The following KPNA3 variants were observed in gnomAD, a reference collection of about 807,000 sequenced individuals.
KPNA3 encodes karyopherin subunit alpha 3.
Under a neutral mutation model 73.8 loss-of-function variants are expected in KPNA3, and 13 were observed. The observed-to-expected ratio is 0.18, with a 90% CI of 0.11 to 0.28. The LOEUF is 0.28. Among genes scored for constraint, KPNA3 ranks in the 10% least tolerant of loss-of-function variants. The pLI is 1.00. For synonymous variants in KPNA3, 186 were observed against 206.9 expected (o/e 0.90, Z 0.87); for missense variants, 360 against 618.1 (o/e 0.58, Z 4.43).
At chr13:49,782,403 A>T (rs1420411007) in intron 1 of KPNA3, among the ~76,000 whole-genome samples, 2 of 152,084 alleles carry the variant, frequency 1.3e-5, no homozygotes, top group Admixed American at 1.3e-4. Context: ...GTACAATCAC[A>T]CTTTTTCTAT....
At chr13:49,702,729 A>G (rs1184224110) in intron 15 of KPNA3, among the ~76,000 whole-genome samples, 1 of 152,236 alleles carries the variant, frequency 6.6e-6, no homozygotes, top group Non-Finnish European at 1.5e-5. Context: ...GACAGTCTAA[A>G]AAAACACCCA....
At chr13:49,766,235 A>G (rs1204448950) in intron 1 of KPNA3, among the ~76,000 whole-genome samples, 1 of 152,144 alleles carries the variant, frequency 6.6e-6, no homozygotes, top group Non-Finnish European at 1.5e-5. Flanking sequence ...AAATGCCATT[A>G]CTTTTCCTGT....
chr13:49,726,144 C>G (rs918842342), intron 6 of KPNA3, among the ~76,000 whole-genome samples: 2 of 152,178 alleles, frequency 1.3e-5, no homozygotes, highest in Non-Finnish European at 2.9e-5. Flanking sequence ...CCCCTAATAT[C>G]AAGTGCTAGT....
chr13:49,791,277 A>G (rs994732616), intron 1 of KPNA3, among the ~76,000 whole-genome samples: 3 of 152,210 alleles, frequency 2.0e-5, no homozygotes, highest in African/African-American at 7.2e-5. Context: ...CAAAAATTAC[A>G]AAACTGCAAA....
At chr13:49,717,431 G>GAAAAA (rs367721289) in intron 10 of KPNA3, among the ~76,000 whole-genome samples, 1 of 62,830 alleles carries the variant, frequency 1.6e-5, no homozygotes, top group African/African-American at 1.0e-4. Flanking sequence ...CTCCATCTCG[G>GAAAAA]AAAAAAAAGA....
intron 1 of KPNA3, among the ~76,000 whole-genome samples, chr13:49,764,802 T>A (rs965839724): frequency 6.6e-6 from 1 of 152,166 alleles, no homozygotes; most frequent in African/African-American, 2.4e-5. Context: ...TTTTAACTAG[T>A]TCCTGTTCTC....
intron 6 of KPNA3, among the ~76,000 whole-genome samples, chr13:49,729,217 G>C (rs960746307): frequency 3.3e-5 from 5 of 151,984 alleles, no homozygotes; most frequent in Admixed American, 6.6e-5. Context: ...CTAGCAGAAG[G>C]CAGGAAATAA....
intron 10 of KPNA3, among the ~76,000 whole-genome samples, chr13:49,712,143 AG>A (rs1297275367): frequency 2.6e-5 from 4 of 152,170 alleles, no homozygotes; most frequent in African/African-American, 9.7e-5. Flanking sequence ...CCACCCTGGC[AG>A]TAACAGTAAC....
At chr13:49,745,343 G>C (rs1193700128) in intron 2 of KPNA3, among the ~76,000 whole-genome samples, 1 of 150,922 alleles carries the variant, frequency 6.6e-6, no homozygotes, top group Admixed American at 6.6e-5. Flanking sequence ...CCCTACAACT[G>C]AAAAGTTTCA....
At chr13:49,753,483 C>T (rs1243546544) in intron 1 of KPNA3, among the ~76,000 whole-genome samples, 1 of 152,208 alleles carries the variant, frequency 6.6e-6, no homozygotes, top group Non-Finnish European at 1.5e-5. Flanking sequence ...AGAGAATGGT[C>T]ACCACACAAC....
chr13:49,732,446 C>G lies in KPNA3; in HGVS notation c.308G>C (p.Arg103Thr). The change falls in exon 6 of 17, where the codon AGA becomes ACA. Residue 103 changes from arginine (R) to threonine (T), a missense_variant. Physicochemically the swap from Arg to Thr is moderately conservative, Grantham distance 71. This residue lies in a region of KPNA3 where 287 missense variants were observed against 549.1 expected (regional missense o/e 0.52). Coordinates refer to ENST00000261667, the MANE Select transcript of KPNA3 (RefSeq NM_002267.4). Reference sequence around the variant, plus strand: ...TATTAAGTCATCAATCGGTGGATTTCTGTCACTGGATAACAGTTTTCTAGG... The same window carrying G: ...TATTAAGTCATCAATCGGTGGATTTGTGTCACTGGATAACAGTTTTCTAGG... ...QAARKLLSSDRNPPIDDLIKS... is the reference protein window; with the variant it reads ...QAARKLLSSDTNPPIDDLIKS... 1.9e-6 allele frequency: 3 copies of G among 1,594,550 alleles called. No individual in the cohort carries two copies. The highest frequency in any genetic ancestry group is 2.6e-6 in the Non-Finnish European group (3 of 1,167,502).
At chr13:49,716,360 C>T (rs1031623207) in intron 10 of KPNA3, among the ~76,000 whole-genome samples, 1 of 152,158 alleles carries the variant, frequency 6.6e-6, no homozygotes, top group African/African-American at 2.4e-5. Flanking sequence ...ACTATATGAT[C>T]TAGAACCTAT....
At chr13:49,734,936 T>G (rs2025265) in intron 2 of KPNA3, among the ~76,000 whole-genome samples, 76,178 of 144,676 alleles carry the variant, frequency 0.53, 21,307 homozygotes, top group Admixed American at 0.64. Flanking sequence ...TATATATATA[T>G]ATAGAGAGAG....
At chr13:49,751,716 C>T (rs1381411805) in intron 1 of KPNA3, among the ~76,000 whole-genome samples, 2 of 152,158 alleles carry the variant, frequency 1.3e-5, no homozygotes, top group Non-Finnish European at 2.9e-5. Flanking sequence ...TGAGACCAGC[C>T]TGTGCAACAC....
At chr13:49,769,329 G>A (rs1954834912) in intron 1 of KPNA3, among the ~76,000 whole-genome samples, 1 of 152,106 alleles carries the variant, frequency 6.6e-6, no homozygotes, top group South Asian at 2.1e-4. Flanking sequence ...ATCCTAAAAG[G>A]ATAAGTTCCG....
At chr13:49,729,158 A>C (rs1386503238) in intron 6 of KPNA3, among the ~76,000 whole-genome samples, 1 of 152,158 alleles carries the variant, frequency 6.6e-6, no homozygotes, top group African/African-American at 2.4e-5. Flanking sequence ...TTGTCTTTTG[A>C]TTCCACTTTT....
At chr13:49,764,066 CAAAAAAA>C (rs11301654) in intron 1 of KPNA3, among the ~76,000 whole-genome samples, 2 of 79,968 alleles carry the variant, frequency 2.5e-5, no homozygotes, top group Non-Finnish European at 2.4e-5. Flanking sequence ...GACCCTGTCT[CAAAAAAA>C]AAAAAAAAAA....
At chr13:49,788,033 C>T (rs950031101) in intron 1 of KPNA3, among the ~76,000 whole-genome samples, 36 of 152,120 alleles carry the variant, frequency 2.4e-4, no homozygotes, top group Admixed American at 1.3e-3. Flanking sequence ...ACTTAACACC[C>T]GATGGAAGAC....
intron 1 of KPNA3, among the ~76,000 whole-genome samples, chr13:49,754,620 C>CA (rs3064501): frequency 0.4 from 50,572 of 126,158 alleles, 9,938 homozygotes; most frequent in Non-Finnish European, 0.43. Flanking sequence ...CTAGTTCTTT[C>CA]AAAAAAAAAA....
Sources: gnomAD v4.1 joint callset for allele counts (sites outside exome capture counted in the v4.1 genomes callset) on GRCh38, gnomAD v4.1.1 for gene constraint, gnomAD v4.1.1 regional missense constraint, MANE v1.5 for transcripts, NCBI Gene and HGNC (gene_info 2026-07-23, HGNC 2026-07-21) for gene names.